Variants in RBL1 observed in about 807,000 individuals in gnomAD.
The protein encoded by RBL1 is RB transcriptional corepressor like 1, also known as retinoblastoma-like protein 1.
RBL1 carries 82 observed loss-of-function variants against 123.0 expected under a neutral mutation model. The observed-to-expected ratio is 0.67, with a 90% CI of 0.56 to 0.80. The LOEUF is 0.80. Ranked by LOEUF, RBL1 falls within the 30% of genes least tolerant of loss-of-function variation. RBL1 has a pLI of 0.00. For synonymous variants in RBL1, 405 were observed against 441.3 expected, an observed-to-expected ratio of 0.92 and a Z score of 1.03; for missense variants, 1,171 against 1,299.6, an observed-to-expected ratio of 0.90 and a Z score of 1.52.
intron 12 of RBL1, among the ~76,000 whole-genome samples, chr20:37,045,077 T>TTTACTTACTTAC (rs373690469): frequency 1.2e-4 from 18 of 144,258 alleles, no homozygotes; most frequent in African/African-American, 3.6e-4. Context: ...TTCACATTTA[T>TTTACTTACTTAC]TTACTTATTT....
chr20:37,023,777 A>ATTTT (rs11371156), intron 16 of RBL1, among the ~76,000 whole-genome samples: 18 of 125,488 alleles, frequency 1.4e-4, no homozygotes, highest in South Asian at 2.4e-4. Flanking sequence ...TATTCAAACT[A>ATTTT]TTTTTTTTTT....
intron 19 of RBL1, among the ~76,000 whole-genome samples, chr20:37,011,994 C>T (rs2064156421): frequency 6.6e-6 from 1 of 152,246 alleles, no homozygotes. Context: ...TGCCCAGTGC[C>T]TGCGATTGCA....
At chr20:37,009,562 G>C (rs1449170486) in intron 19 of RBL1, among the ~76,000 whole-genome samples, 1 of 151,876 alleles carries the variant, frequency 6.6e-6, no homozygotes, top group East Asian at 1.9e-4. Context: ...GTCTCCCTAT[G>C]TTTTCTAGGC....
At chr20:37,044,405 T>C (rs1418587401) in intron 12 of RBL1, among the ~76,000 whole-genome samples, 155 bp from the exon 13 acceptor site, 1 of 152,160 alleles carries the variant, frequency 6.6e-6, no homozygotes, top group Non-Finnish European at 1.5e-5. Context: ...TGGTGTGATC[T>C]TGGCTCACTG....
Position 37,017,290 on chromosome 20 carries a change from T to C in RBL1, c.2722+989A>G, listed in dbSNP as rs1021154922. On this transcript the variant is annotated intron_variant, in intron 19 of 21. Coordinates refer to ENST00000373664, the MANE Select transcript of RBL1 (RefSeq NM_002895.5). ...CGGGAGGCTGAGGTGGAAGGATTGA[T>C]TGAGCCTGGGATGTCCATGCTGCAG... Among the ~76,000 whole-genome samples, 4 of 151,840 alleles carry C rather than the reference T, an allele frequency of 2.6e-5. No individual in the cohort carries two copies. In the East Asian group the frequency reaches 7.7e-4, roughly 29 times the overall value.
intron 16 of RBL1, among the ~76,000 whole-genome samples, chr20:37,023,505 C>T (rs1285364684): frequency 6.6e-6 from 1 of 151,880 alleles, no homozygotes; most frequent in Non-Finnish European, 1.5e-5. Flanking sequence ...TCTAACATGC[C>T]AAATAATAAA....
At chr20:37,076,936 A>AT (rs547969796) in intron 2 of RBL1, among the ~76,000 whole-genome samples, 18,051 of 135,186 alleles carry the variant, frequency 0.13, 1,314 homozygotes, top group African/African-American at 0.17. Context: ...TTGCTTTATC[A>AT]TTTTTTTTTT....
At chr20:37,043,271 G>A (rs2064763665) in intron 13 of RBL1, among the ~76,000 whole-genome samples, 2 of 151,974 alleles carry the variant, frequency 1.3e-5, no homozygotes, top group Admixed American at 1.3e-4. Flanking sequence ...GGTGGAGCAT[G>A]AGGTCAGGAG....
intron 15 of RBL1, among the ~76,000 whole-genome samples, chr20:37,034,723 TAAAC>T (rs374661933): frequency 1.0e-4 from 15 of 150,100 alleles, no homozygotes; most frequent in Admixed American, 2.7e-4. Context: ...AAAATAAGTC[TAAAC>T]AAACAGAGAG....
chr20:37,000,266 G>C (rs998861628), intron 21 of RBL1, among the ~76,000 whole-genome samples: 3 of 148,636 alleles, frequency 2.0e-5, no homozygotes, highest in African/African-American at 2.5e-5. Flanking sequence ...CAGCCACTCC[G>C]TCTGGGAAGT....
rs2064697271 is a variant in RBL1, at chr20:37,040,179, C to T, written c.1877G>A (p.Arg626Gln). Residue 626 changes from arginine to glutamine, a missense_variant, in exon 14 of 22, where the codon CGA becomes CAA. Coordinates refer to ENST00000373664, the MANE Select transcript of RBL1 (RefSeq NM_002895.5). ...PLMHPRVKEV[R>Q]TDSGSLRRDM... is the part of the protein sequence containing the mutation. The stretch of plus-strand genomic sequence containing the variant: ...TCTTCGAAGACTCCCACTGTCAGTT[C>T]GAACTTCCTTGACTCTTGGGTGCAT... 3.7e-6 allele frequency: 6 copies of T among 1,613,934 alleles called. No individual in the cohort carries two copies. Among genetic ancestry groups the T allele is most frequent in the East Asian group, 2.2e-5 (1 of 44,872 alleles).
chr20:37,010,720 G>C (rs1432542239), intron 19 of RBL1, among the ~76,000 whole-genome samples: 1 of 152,012 alleles, frequency 6.6e-6, no homozygotes. Flanking sequence ...TGTATGTGTG[G>C]ACCATCACGG....
chr20:37,058,150 AAAG>A (rs2065043297), intron 9 of RBL1, among the ~76,000 whole-genome samples: 1 of 150,438 alleles, frequency 6.6e-6, no homozygotes, highest in East Asian at 2.0e-4. Flanking sequence ...CAAAAAAAAA[AAAG>A]CCTATTCCAG....
At chr20:37,092,473 AT>A (rs1420282942) in intron 1 of RBL1, among the ~76,000 whole-genome samples, 2 of 152,058 alleles carry the variant, frequency 1.3e-5, no homozygotes, top group African/African-American at 4.8e-5. Flanking sequence ...GGCTCAAGCA[AT>A]CCCCCCACCT....
intron 11 of RBL1, among the ~76,000 whole-genome samples, chr20:37,050,062 CAA>C (rs777482512): frequency 1.6e-4 from 11 of 68,690 alleles, no homozygotes; most frequent in Admixed American, 4.8e-4. Flanking sequence ...AACTCCATCT[CAA>C]AAAAAAAAAA....
In RBL1 at chr20:37,044,031, TG is replaced by T. The variant is rs1173360087; in HGVS notation, c.1770+54del. 1.2e-4 allele frequency: 155 copies of T among 1,249,262 alleles called. No individual in the cohort carries two copies. In the East Asian group the frequency reaches 3.3e-3, roughly 26 times the overall value. 77.4% of individuals were successfully genotyped at this position (1,249,262 alleles called of 1,614,324 possible). On this transcript the variant is annotated intron_variant, in intron 13 of 21. Coordinates refer to ENST00000373664, the MANE Select transcript of RBL1 (RefSeq NM_002895.5). ...TATAGGAATTATCTCTCAATAAAGCTGGTTTTTTTTTTTTTTTTTTTAATGA... is the reference window on the plus strand; with the variant it reads ...TATAGGAATTATCTCTCAATAAAGCTGTTTTTTTTTTTTTTTTTTTAATGA...
intron 21 of RBL1, 70 bp downstream of exon 21, chr20:37,003,632 A>G: frequency 6.8e-7 from 1 of 1,472,592 alleles, no homozygotes; most frequent in South Asian, 1.5e-5. Flanking sequence ...AAAGAAAAAA[A>G]AAAAAAGAGG....
In RBL1 at chr20:37,003,746, G is replaced by C. The variant is rs773928015; in HGVS notation, c.2992C>G (p.Pro998Ala). Reference protein sequence around the residue: ...SPHKNGSGLTPRSALLYKFNG... With the variant: ...SPHKNGSGLTARSALLYKFNG... ...AACTTGTACAGCAGAGCGCTTCTTGGTGTAAGGCCTGACCCATTCTTGTGC... is the reference window on the plus strand; with the variant it reads ...AACTTGTACAGCAGAGCGCTTCTTGCTGTAAGGCCTGACCCATTCTTGTGC... The change falls in exon 21 of 22, where the codon CCA (proline) becomes GCA (alanine). Residue 998 changes from proline (P) to alanine (A), a missense_variant. By Grantham distance (27) the Pro-to-Ala change is conservative. Coordinates refer to ENST00000373664, the MANE Select transcript of RBL1 (RefSeq NM_002895.5). The C allele has an allele frequency of 6.2e-7, 1 of 1,613,948 alleles. No individual in the cohort carries two copies. The highest frequency in any genetic ancestry group is 8.5e-7 in the Non-Finnish European group (1 of 1,179,940).
chr20:37,065,586 T>A, intron 6 of RBL1, 113 bp from the exon 7 acceptor site: 1 of 636,020 alleles, frequency 1.6e-6, no homozygotes, highest in South Asian at 2.6e-5. Context: ...CAAAACAGAA[T>A]TATTAAATAT....
Sources: allele counts gnomAD v4.1 joint callset (sites outside exome capture counted in the v4.1 genomes callset), GRCh38; gene constraint gnomAD v4.1.1; transcripts MANE v1.5; gene names NCBI Gene and HGNC (gene_info 2026-07-23, HGNC 2026-07-21).